Variants in GRAMD4 observed in about 807,000 individuals in gnomAD.
GRAMD4 encodes the protein GRAM domain-containing protein 4.
In GRAMD4, 25 loss-of-function variants were observed where a neutral mutation model predicts 83.9. The observed-to-expected ratio is 0.30, with a 90% CI of 0.22 to 0.42. The LOEUF is 0.42. GRAMD4 is among the 10% of genes least tolerant of loss of function. GRAMD4 has a pLI of 1.00. For missense variants in GRAMD4, 593 were observed against 788.7 expected (o/e 0.75, Z 2.97); for synonymous variants, 336 against 320.9 (o/e 1.05, Z -0.50).
At chr22:46,579,028 G>A (rs1271052143) in intron 1 of GRAMD4, among the ~76,000 whole-genome samples, 3 of 152,228 alleles carry the variant, frequency 2.0e-5, no homozygotes, top group African/African-American at 7.2e-5. Context: ...TGGCTGATGC[G>A]TGGAGTGCGG....
chr22:46,662,390 A>G (rs1350819576), intron 5 of GRAMD4, among the ~76,000 whole-genome samples: 1 of 152,240 alleles, frequency 6.6e-6, no homozygotes, highest in Non-Finnish European at 1.5e-5. Flanking sequence ...GGCCTTCTGA[A>G]GGGAGGGACT....
At chr22:46,647,344 G>T (rs2082086183) in intron 3 of GRAMD4, among the ~76,000 whole-genome samples, 1 of 152,220 alleles carries the variant, frequency 6.6e-6, no homozygotes, top group African/African-American at 2.4e-5. Context: ...ACTCCTGTCT[G>T]CTCTTTAATT....
At chr22:46,646,041 G>C (rs1351758428) in intron 3 of GRAMD4, among the ~76,000 whole-genome samples, 1 of 152,158 alleles carries the variant, frequency 6.6e-6, no homozygotes, top group Non-Finnish European at 1.5e-5. Flanking sequence ...TTCTCTTCCT[G>C]GGGGCTTCCC....
chr22:46,607,345 A>G (rs1328080815), intron 1 of GRAMD4, among the ~76,000 whole-genome samples: 1 of 152,152 alleles, frequency 6.6e-6, no homozygotes, highest in African/African-American at 2.4e-5. Flanking sequence ...AAAGTGTTAT[A>G]AAAAAAGGAG....
At position 46,636,750 on chromosome 22, in the gene GRAMD4, G is replaced by T. The variant is rs117282537; in HGVS notation, c.163-1090G>T. On this transcript the variant is annotated intron_variant, in intron 2 of 18. Transcript: ENST00000406902. ...GGGCGACTGTGTGGCATCCAGTGTGGGGCCCAGGCAGGCCTGGCTGTGCCG... is the reference window on the plus strand; with the variant it reads ...GGGCGACTGTGTGGCATCCAGTGTGTGGCCCAGGCAGGCCTGGCTGTGCCG... 5.0e-3 allele frequency among the ~76,000 whole-genome samples: 764 copies of T among 152,320 alleles called. 39 individuals are homozygous for T. In the East Asian group the frequency reaches 0.11, roughly 22 times the overall value.
chr22:46,588,649 C>T (rs1422935603), intron 1 of GRAMD4, among the ~76,000 whole-genome samples: 1 of 152,196 alleles, frequency 6.6e-6, no homozygotes, highest in Non-Finnish European at 1.5e-5. Context: ...GGCCAGTGCT[C>T]CTGGAGCTGC....
At chr22:46,576,824 AAGCGCGCGGACGGCGTGGCC>A (rs2081045890), upstream of GRAMD4, among the ~76,000 whole-genome samples, 1 of 147,590 alleles carries the variant, frequency 6.8e-6, no homozygotes, top group Admixed American at 6.7e-5. Context: ...CCGCCGTGGC[AAGCGCGCGGACGGCGTGGCC>A]GTGGCCGGCG....
chr22:46,624,909 G>T (rs1187278221), intron 1 of GRAMD4, among the ~76,000 whole-genome samples: 2 of 149,478 alleles, frequency 1.3e-5, no homozygotes, highest in African/African-American at 4.9e-5. Context: ...CACCCAGGCT[G>T]GAGTGCAGTG....
In GRAMD4 at chr22:46,622,729, T is replaced by C. The variant is rs1226993026; in HGVS notation, c.-50+2164T>C. Among the ~76,000 whole-genome samples, 6 of 152,048 alleles carry C rather than the reference T, an allele frequency of 3.9e-5. No individual in the cohort carries two copies. The highest frequency in any genetic ancestry group is 8.8e-5 in the Non-Finnish European group (6 of 67,994). ...GAGATTGAGACCATCCTGGCTAACA[T>C]GGCGAAACTCCGTCTCTACTAAAAA... is the stretch of plus-strand genomic sequence containing the variant. On this transcript the variant is annotated intron_variant, in intron 1 of 18. Transcript: ENST00000406902. This position sits in a 1 kb window ranked among gnomAD's most constrained non-coding sequence, Gnocchi z 4.0.
chr22:46,675,679 C>T (rs895664602), intron 17 of GRAMD4, 127 bp downstream of exon 17: 13 of 687,330 alleles, frequency 1.9e-5, no homozygotes, highest in East Asian at 2.6e-5. Context: ...CCACGCTGGC[C>T]GGCCATGGTC....
At chr22:46,600,449 C>T (rs1269990719) in intron 1 of GRAMD4, among the ~76,000 whole-genome samples, 1 of 152,220 alleles carries the variant, frequency 6.6e-6, no homozygotes, top group Non-Finnish European at 1.5e-5. Flanking sequence ...CCTTCTGCTT[C>T]CCTTGTGGCT....
At chr22:46,635,194 CCCCCGCCCCCGGCCA>C (rs2081847172) in intron 2 of GRAMD4, among the ~76,000 whole-genome samples, 1 of 107,536 alleles carries the variant, frequency 9.3e-6, no homozygotes, top group African/African-American at 3.3e-5. Context: ...GTCCTCCCTG[CCCCCGCCCCCGGCCA>C]CTCCTGTCCT....
At position 46,622,572 on chromosome 22, in the gene GRAMD4, G is replaced by A. The variant is rs971656122; in HGVS notation, c.-50+2007G>A. The stretch of plus-strand genomic sequence containing the variant: ...AGACAAGACGAGTCCGGAGGCAGCC[G>A]CTCAGCATCACAGATGTAATTTATG... On this transcript the variant is annotated intron_variant, in intron 1 of 18. Transcript: ENST00000406902. The surrounding 1 kb of genome is among the most constrained non-coding windows in gnomAD (Gnocchi z 4.0). Among the ~76,000 whole-genome samples, 2 of 152,160 alleles carry A rather than the reference G, an allele frequency of 1.3e-5. No homozygotes were observed. Among genetic ancestry groups the A allele is most frequent in the South Asian group, 4.1e-4 (2 of 4,830 alleles).
intron 5 of GRAMD4, 29 bp downstream of exon 5, chr22:46,661,471 AGGCG>A: frequency 9.5e-7 from 1 of 1,056,232 alleles, no homozygotes; most frequent in Non-Finnish European, 1.4e-6. Context: ...GTGGACAGGC[AGGCG>A]GGCGGGTGGG....
intron 1 of GRAMD4, among the ~76,000 whole-genome samples, chr22:46,610,369 C>T (rs2081405388): frequency 6.6e-6 from 1 of 152,232 alleles, no homozygotes; most frequent in Non-Finnish European, 1.5e-5. Flanking sequence ...CGGTCAGTGA[C>T]AGCCCACGGA....
chr22:46,623,636 T>C (rs970148492), intron 1 of GRAMD4, among the ~76,000 whole-genome samples: 4 of 152,032 alleles, frequency 2.6e-5, no homozygotes, highest in African/African-American at 7.3e-5. Context: ...GACCTCGTGA[T>C]CCGCCCGCCC....
Position 46,676,623 on chromosome 22 carries a change from A to G in GRAMD4, c.1587A>G (p.Pro529=). The stretch of plus-strand genomic sequence containing the variant: ...AGTACAAGGTCCTGTCTGTCCTCCC[A>G]GGCTCAGGCATGGGGATTGCCGTGT... The part of the protein sequence containing the change: ...IQKYKVLSVL[P]GSGMGIAVST... The change falls in exon 18 of 19, where the codon CCA becomes CCG. Residue 529 remains proline (P), a synonymous_variant. Coordinates refer to ENST00000406902, the MANE Select transcript of GRAMD4 (RefSeq NM_015124.5). 1 of 1,549,290 alleles carries G rather than the reference A, an allele frequency of 6.5e-7. No individual in the cohort carries two copies.
chr22:46,630,570 C>A (rs732925), intron 2 of GRAMD4, among the ~76,000 whole-genome samples: 57,843 of 152,018 alleles, frequency 0.38, 11,861 homozygotes, highest in East Asian at 0.57. Flanking sequence ...AGGTTCAGAC[C>A]GGAGCCCACC....
chr22:46,606,945 C>T (rs2081371403), intron 1 of GRAMD4, among the ~76,000 whole-genome samples: 7 of 152,232 alleles, frequency 4.6e-5, no homozygotes, highest in Admixed American at 3.3e-4. Context: ...AGCTGTCGCA[C>T]TGTTTTCCCT....
Sources: gnomAD v4.1 joint callset for allele counts (sites outside exome capture counted in the v4.1 genomes callset) on GRCh38, gnomAD v4.1.1 for gene constraint, Gnocchi (gnomAD v3.1) non-coding constraint, MANE v1.5 for transcripts, NCBI Gene and HGNC (gene_info 2026-07-23, HGNC 2026-07-21) for gene names.